S100Z: variants seen among roughly 807,000 people sequenced by gnomAD.
S100Z encodes protein S100-Z.
Under a neutral mutation model 8.5 loss-of-function variants are expected in S100Z, and 11 were observed. That is an observed-to-expected ratio of 1.30 (90% CI 0.82 to 2.15). The LOEUF is 2.15. S100Z is among the 30% of genes most tolerant of loss of function. The pLI, the probability that S100Z is intolerant of heterozygous loss-of-function variation, is 0.00. For synonymous variants in S100Z, 34 were observed against 43.8 expected (o/e 0.78, Z 0.89); for missense variants, 126 against 117.9 (o/e 1.07, Z -0.32).
chr5:76,924,844 T>C (rs1374937663), downstream of S100Z, among the ~76,000 whole-genome samples: 1 of 149,468 alleles, frequency 6.7e-6, no homozygotes, highest in Non-Finnish European at 1.5e-5. Context: ...ACGCGGGAGG[T>C]GGAGATTGCG....
intron 4 of S100Z, among the ~76,000 whole-genome samples, chr5:76,884,268 G>C (rs1310884138): frequency 6.6e-6 from 1 of 152,144 alleles, no homozygotes; most frequent in South Asian, 2.1e-4. Context: ...AGCTTTGTAA[G>C]CTGCCTTTTT....
intron 4 of S100Z, among the ~76,000 whole-genome samples, chr5:76,883,520 G>C (rs1212181109): frequency 2.1e-5 from 3 of 141,420 alleles, no homozygotes; most frequent in South Asian, 4.7e-4. Context: ...TTGAAAAGAA[G>C]GTAATGTGGA....
the S100Z span, among the ~76,000 whole-genome samples, chr5:76,945,438 T>A: frequency 2.0e-5 from 3 of 152,174 alleles, no homozygotes; most frequent in Non-Finnish European, 4.4e-5. Flanking sequence ...GAGGAAGGTC[T>A]CTGTCTCCTG....
chr5:76,919,186 A>C lies in S100Z; in HGVS notation c.*3-1531A>C, dbSNP rs1345337765. On this transcript the variant is annotated intron_variant, in intron 4 of 4. Transcript: ENST00000317593. Reference sequence around the variant, plus strand: ...GGTTTTATGTGGATATAAGTTTTTAACTCATTTAGGTAAATATCAAGGGAC... The same window carrying C: ...GGTTTTATGTGGATATAAGTTTTTACCTCATTTAGGTAAATATCAAGGGAC... Among the ~76,000 whole-genome samples, 3 of 152,162 alleles carry C rather than the reference A, an allele frequency of 2.0e-5. No homozygotes were observed. The East Asian group carries it at 5.8e-4, about 29-fold the overall frequency.
chr5:76,906,976 G>GTGTATA (rs1187679380), intron 4 of S100Z, among the ~76,000 whole-genome samples: 1 of 21,798 alleles, frequency 4.6e-5, no homozygotes, highest in African/African-American at 2.2e-4. Flanking sequence ...TTGTGTGTGT[G>GTGTATA]TATATATATA....
intron 4 of S100Z, among the ~76,000 whole-genome samples, chr5:76,888,045 C>G (rs989729376): frequency 6.6e-6 from 1 of 151,834 alleles, no homozygotes; most frequent in African/African-American, 2.4e-5. Flanking sequence ...ATCATGAGGT[C>G]AGGAGTTCAA....
At chr5:76,933,141 G>A in the S100Z span, among the ~76,000 whole-genome samples, 6 of 152,242 alleles carry the variant, frequency 3.9e-5, no homozygotes, top group African/African-American at 1.2e-4. Flanking sequence ...ATGATTCAAA[G>A]GAGAGAGAAA....
intron 4 of S100Z, among the ~76,000 whole-genome samples, chr5:76,897,862 T>G (rs1744095864): frequency 6.6e-6 from 1 of 152,246 alleles, no homozygotes; most frequent in Non-Finnish European, 1.5e-5. Flanking sequence ...AATTTGTTTA[T>G]CAGTTCTAAT....
intron 4 of S100Z, among the ~76,000 whole-genome samples, chr5:76,896,284 C>T (rs923314068): frequency 1.3e-5 from 2 of 152,156 alleles, no homozygotes; most frequent in African/African-American, 2.4e-5. Flanking sequence ...TGAGGACATG[C>T]GATGTTTGTC....
intron 4 of S100Z, among the ~76,000 whole-genome samples, chr5:76,913,372 A>C (rs1307902653): frequency 2.0e-5 from 3 of 152,246 alleles, no homozygotes; most frequent in Non-Finnish European, 4.4e-5. Context: ...GTAAGTGATA[A>C]AGAAACTCTT....
At chr5:76,888,360 T>C (rs866713331) in intron 4 of S100Z, among the ~76,000 whole-genome samples, 1 of 93,776 alleles carries the variant, frequency 1.1e-5, no homozygotes, top group Non-Finnish European at 2.2e-5. Context: ...CCTGGGAAAG[T>C]GCTGGTATTT....
At chr5:76,875,570 T>C in intron 3 of S100Z, 70 bp downstream of exon 3, 1 of 1,413,774 alleles carries the variant, frequency 7.1e-7, no homozygotes, top group Non-Finnish European at 9.6e-7. Flanking sequence ...GGACAGCCTT[T>C]GGGTTCATAC....
chr5:76,927,531 G>C, the S100Z span, among the ~76,000 whole-genome samples: 2 of 152,168 alleles, frequency 1.3e-5, no homozygotes, highest in African/African-American at 4.8e-5. Context: ...CCACTACTCA[G>C]CCACAACCGG....
chr5:76,940,263 G>A, the S100Z span, among the ~76,000 whole-genome samples: 3 of 152,098 alleles, frequency 2.0e-5, no homozygotes, highest in East Asian at 3.8e-4. Flanking sequence ...AACAAAGGAC[G>A]TGATCAGCAG....
intron 4 of S100Z, among the ~76,000 whole-genome samples, chr5:76,912,429 G>A (rs1459010729): frequency 1.3e-5 from 2 of 152,178 alleles, no homozygotes; most frequent in Admixed American, 6.5e-5. Context: ...TTTGTGGAGA[G>A]TGGGATATGA....
At chr5:76,914,212 G>T (rs1009630735) in intron 4 of S100Z, among the ~76,000 whole-genome samples, 4 of 152,060 alleles carry the variant, frequency 2.6e-5, no homozygotes, top group African/African-American at 9.7e-5. Context: ...AGCGGTCATC[G>T]GCCAAATTCC....
the S100Z span, among the ~76,000 whole-genome samples, chr5:76,935,630 C>T: frequency 1.3e-5 from 2 of 151,914 alleles, no homozygotes; most frequent in Admixed American, 6.6e-5. Flanking sequence ...ATTGATCTAA[C>T]GTGCCTCTGA....
intron 4 of S100Z, among the ~76,000 whole-genome samples, chr5:76,903,848 C>A (rs1006565389): frequency 6.6e-6 from 1 of 151,820 alleles, no homozygotes; most frequent in African/African-American, 2.4e-5. Flanking sequence ...CCTTGGCCCC[C>A]CAAGTAGCTG....
chr5:76,890,836 C>T (rs989037758), intron 4 of S100Z, among the ~76,000 whole-genome samples: 16 of 151,980 alleles, frequency 1.1e-4, no homozygotes, highest in Admixed American at 5.3e-4. Context: ...TATGGGAAGC[C>T]ATTATAGGAT....
Sources: gnomAD v4.1 joint callset for allele counts (sites outside exome capture counted in the v4.1 genomes callset) on GRCh38, gnomAD v4.1.1 for gene constraint, MANE v1.5 for transcripts, NCBI Gene and HGNC (gene_info 2026-07-23, HGNC 2026-07-21) for gene names.